UNC13C: variants seen among roughly 807,000 people sequenced by gnomAD.
The protein encoded by UNC13C is protein unc-13 homolog C.
In UNC13C, 174 loss-of-function variants were observed where a neutral mutation model predicts 245.4. That is an observed-to-expected ratio of 0.71 (90% CI 0.63 to 0.80). The LOEUF (loss-of-function observed/expected upper bound fraction) is 0.80, where lower values mean the gene tolerates loss of function less well. UNC13C is among the 30% of genes least tolerant of loss of function. The pLI, the probability that UNC13C is intolerant of heterozygous loss-of-function variation, is 0.00. For synonymous variants in UNC13C, 992 were observed against 895.1 expected, an observed-to-expected ratio of 1.11 and a Z score of -1.93; for missense variants, 2,829 against 2,602.9, an observed-to-expected ratio of 1.09 and a Z score of -1.89.
the UNC13C span, among the ~76,000 whole-genome samples, chr15:53,915,674 A>G: frequency 1.3e-5 from 2 of 152,256 alleles, no homozygotes; most frequent in South Asian, 2.1e-4. Context: ...TTTACTAGAA[A>G]GAAAAAATGA....
chr15:54,271,690 G>T (rs2036691518), intron 10 of UNC13C, among the ~76,000 whole-genome samples: 2 of 152,190 alleles, frequency 1.3e-5, no homozygotes, highest in African/African-American at 4.8e-5. Context: ...AAAGCTGATA[G>T]TAGATATGTG....
chr15:54,487,523 G>T (rs527645), intron 19 of UNC13C, among the ~76,000 whole-genome samples: 90,019 of 151,800 alleles, frequency 0.59, 26,852 homozygotes, highest in East Asian at 0.79. Flanking sequence ...TCCCAGCACT[G>T]TGGGAGGCTA....
chr15:54,234,842 T>C (rs1274386888), intron 4 of UNC13C, among the ~76,000 whole-genome samples, 188 bp from the exon 5 acceptor site: 2 of 152,218 alleles, frequency 1.3e-5, no homozygotes, highest in Non-Finnish European at 2.9e-5. Flanking sequence ...GCAAATGTGG[T>C]AGCTACAGTC....
chr15:53,851,214 C>A, the UNC13C span, among the ~76,000 whole-genome samples: 1 of 152,018 alleles, frequency 6.6e-6, no homozygotes, highest in Non-Finnish European at 1.5e-5. Context: ...ATTTTTCCCA[C>A]CTCTTTATCC....
chr15:53,977,190 C>T (rs1335502089), upstream of UNC13C, among the ~76,000 whole-genome samples: 1 of 152,126 alleles, frequency 6.6e-6, no homozygotes, highest in Non-Finnish European at 1.5e-5. Context: ...AAAGGTGGGG[C>T]TGATAGCTGG....
chr15:54,578,246 T>C (rs1338927620), intron 30 of UNC13C, among the ~76,000 whole-genome samples: 1 of 152,248 alleles, frequency 6.6e-6, no homozygotes, highest in African/African-American at 2.4e-5. Flanking sequence ...TTTAATGTAC[T>C]GGCAGACTAA....
At chr15:54,364,446 C>T (rs1334095949) in intron 17 of UNC13C, among the ~76,000 whole-genome samples, 1 of 152,148 alleles carries the variant, frequency 6.6e-6, no homozygotes, top group Non-Finnish European at 1.5e-5. Context: ...TGAGCAGGGT[C>T]CCAAATCAAT....
intron 4 of UNC13C, among the ~76,000 whole-genome samples, chr15:54,203,503 TACACAC>T (rs1165484476): frequency 1.3e-4 from 17 of 135,318 alleles, no homozygotes; most frequent in South Asian, 4.4e-4. Flanking sequence ...TATATATATA[TACACAC>T]ACACACACAC....
At chr15:53,950,947 A>C in the UNC13C span, among the ~76,000 whole-genome samples, 1 of 152,198 alleles carries the variant, frequency 6.6e-6, no homozygotes, top group Non-Finnish European at 1.5e-5. Context: ...AGCGAAATGT[A>C]ATATAGCAAT....
the UNC13C span, among the ~76,000 whole-genome samples, chr15:53,931,879 G>A: frequency 6.6e-6 from 1 of 152,138 alleles, no homozygotes; most frequent in East Asian, 1.9e-4. Context: ...TCGTAGGCAT[G>A]AAATCATTTA....
chr15:54,492,612 C>G (rs1266735319), intron 19 of UNC13C, among the ~76,000 whole-genome samples: 1 of 152,200 alleles, frequency 6.6e-6, no homozygotes, highest in African/African-American at 2.4e-5. Context: ...TGAGTATCTT[C>G]AGACACATAC....
Position 54,014,167 on chromosome 15 carries a change from C to G in UNC13C, c.1264C>G (p.Pro422Ala). ...CAGAGAAAGAAAAGAGAAAGGGATA[C>G]CATCCTCCCAGACATATGAGAGCAT... ...DIRERKEKGI[P>A]SSQTYESMAI... is the part of the protein sequence containing the mutation. The change falls in exon 2 of 33, where the codon CCA becomes GCA. Residue 422 changes from proline (P) to alanine (A), a missense_variant. Coordinates refer to ENST00000260323, the MANE Select transcript of UNC13C (RefSeq NM_001080534.3). 6.2e-7 allele frequency: 1 copy of G among 1,613,842 alleles called. No individual in the cohort carries two copies. Among genetic ancestry groups the G allele is most frequent in the Non-Finnish European group, 8.5e-7 (1 of 1,179,844 alleles).
At chr15:54,428,292 C>T (rs530307146) in intron 19 of UNC13C, among the ~76,000 whole-genome samples, 2 of 151,784 alleles carry the variant, frequency 1.3e-5, no homozygotes, top group East Asian at 3.9e-4. Flanking sequence ...AACTGGAAGG[C>T]CCCGCATTGT....
chr15:54,397,601 T>C (rs2040096577), intron 18 of UNC13C, among the ~76,000 whole-genome samples: 1 of 151,476 alleles, frequency 6.6e-6, no homozygotes, highest in Admixed American at 6.6e-5. Flanking sequence ...GCATTAAATA[T>C]ATAAATCTAT....
chr15:54,220,431 C>G lies in UNC13C; in HGVS notation c.3072-14599C>G, dbSNP rs924032518. On this transcript the variant is annotated intron_variant, in intron 4 of 32. Coordinates refer to ENST00000260323, the MANE Select transcript of UNC13C (RefSeq NM_001080534.3). ...TGGACACAGGAAGGGGAACATCACACTCTGGGGACTGTTGTGGGGTAGGGG... is the reference window on the plus strand; with the variant it reads ...TGGACACAGGAAGGGGAACATCACAGTCTGGGGACTGTTGTGGGGTAGGGG... Among the ~76,000 whole-genome samples the G allele has an allele frequency of 1.0e-4, 13 of 127,342 alleles. No homozygotes were observed. In the South Asian group the frequency reaches 1.1e-3, roughly 11 times the overall value. 83.5% of individuals were successfully genotyped at this position (127,342 alleles called of 152,430 possible).
At chr15:53,917,874 T>C in the UNC13C span, among the ~76,000 whole-genome samples, 1 of 152,208 alleles carries the variant, frequency 6.6e-6, no homozygotes. Context: ...TTTTTGCCCT[T>C]CCTAAATTTT....
intron 30 of UNC13C, among the ~76,000 whole-genome samples, chr15:54,583,245 A>G (rs1244433991): frequency 1.3e-5 from 2 of 152,212 alleles, no homozygotes. Context: ...ATAAACCTCT[A>G]GATAAAAGAA....
chr15:54,097,674 T>C (rs11071038), intron 2 of UNC13C, among the ~76,000 whole-genome samples: 43,281 of 152,030 alleles, frequency 0.28, 6,605 homozygotes, highest in Non-Finnish European at 0.35. Context: ...CAAGTCCTCA[T>C]GTAATTCATC....
rs549696552 is a variant in UNC13C at position 54,044,646 on chromosome 15, C to T, written c.2983+28760C>T. Among the ~76,000 whole-genome samples, 11 of 152,120 alleles carry T rather than the reference C, an allele frequency of 7.2e-5. No individual in the cohort carries two copies. In the East Asian group the frequency reaches 1.2e-3, roughly 16 times the overall value. Reference sequence around the variant, plus strand: ...ACTTTTTTGTTATACTCATCCTGTTCGTGGTGAGGTGGTATCTCATTGTGA... The same window carrying T: ...ACTTTTTTGTTATACTCATCCTGTTTGTGGTGAGGTGGTATCTCATTGTGA... On this transcript the variant is annotated intron_variant, in intron 2 of 32. Transcript: ENST00000260323.
Sources: gnomAD v4.1 joint callset for allele counts (sites outside exome capture counted in the v4.1 genomes callset) on GRCh38, gnomAD v4.1.1 for gene constraint, MANE v1.5 for transcripts, NCBI Gene and HGNC (gene_info 2026-07-23, HGNC 2026-07-21) for gene names.